Variants in HDAC2 observed in about 807,000 individuals in gnomAD.
The protein encoded by HDAC2 is histone deacetylase 2, also known as YY1-associated factor 1.
A neutral mutation model predicts 68.5 loss-of-function variants in HDAC2; 5 were observed. The observed-to-expected ratio is 0.07, with a 90% CI of 0.04 to 0.15. The LOEUF is 0.15. Among genes scored for constraint, HDAC2 ranks in the 10% least tolerant of loss-of-function variants. HDAC2 has a pLI of 1.00. For missense variants in HDAC2, 291 were observed against 600.8 expected (o/e 0.48, Z 5.39); for synonymous variants, 182 against 191.3 (o/e 0.95, Z 0.40).
At chr6:113,955,438 CCT>C (rs1268391496) in intron 5 of HDAC2, among the ~76,000 whole-genome samples, 2 of 152,106 alleles carry the variant, frequency 1.3e-5, no homozygotes, top group African/African-American at 4.8e-5. Flanking sequence ...GTCTCAAACC[CCT>C]GACCTCATAA....
At position 113,937,642 on chromosome 6, in the gene HDAC2, G is replaced by C. The variant is rs1460531465; in HGVS notation, c.*3416C>G. ...TCAGGAGAATCGCTTGAGCCTAGGA[G>C]TTTGTGACCAGCCTGGGCAACACAG... On this transcript the variant is annotated 3_prime_UTR_variant, in exon 14 of 14. Coordinates refer to ENST00000519065, the MANE Select transcript of HDAC2 (RefSeq NM_001527.4). 4.6e-5 allele frequency: 7 copies of C among 152,358 alleles called. No individual in the cohort carries two copies. Among genetic ancestry groups the C allele is most frequent in the Admixed American group, 4.6e-4 (7 of 15,270 alleles). The allele number at this position is 152,358 out of a possible 1,614,324, so 9.4% of individuals were successfully genotyped here. A position where few individuals can be genotyped will look rare whatever the true frequency, so the allele number is the denominator to read the frequency against.
rs997846447 is a variant in HDAC2, at chr6:113,940,897, T to C, written c.*161A>G. 1 of 511,562 alleles carries C rather than the reference T, an allele frequency of 2.0e-6. No individual in the cohort carries two copies. Among genetic ancestry groups the C allele is most frequent in the South Asian group, 3.5e-5 (1 of 28,176 alleles). 31.7% of individuals were successfully genotyped at this position (511,562 alleles called of 1,614,324 possible). Reference sequence around the variant, plus strand: ...GCTTCATAATTAGAAAAACTCACAATAAAACTTGCCAAGAAAAACAAAAAC... The same window carrying C: ...GCTTCATAATTAGAAAAACTCACAACAAAACTTGCCAAGAAAAACAAAAAC... On this transcript the variant is annotated 3_prime_UTR_variant, in exon 14 of 14. Coordinates refer to ENST00000519065, the MANE Select transcript of HDAC2 (RefSeq NM_001527.4).
In HDAC2 at chr6:113,934,236, A is replaced by C. The variant is rs893824801; in HGVS notation, c.*6822T>G. The C allele has an allele frequency of 1.3e-5, 2 of 152,208 alleles. No homozygotes were observed. The highest frequency in any genetic ancestry group is 1.3e-4 in the Admixed American group (2 of 15,280). The allele number at this position is 152,208 out of a possible 1,614,324, so 9.4% of individuals were successfully genotyped here. ...TGAATGCCAACTATCTGGGTTAATG[A>C]CTATCTGGGTTGATACGCATCTCAA... On this transcript the variant is annotated 3_prime_UTR_variant, in exon 14 of 14. Transcript: ENST00000519065.
chr6:113,948,705 T>C (rs1776324316), intron 8 of HDAC2: 1 of 345,972 alleles, frequency 2.9e-6, no homozygotes, highest in Admixed American at 4.3e-5. Flanking sequence ...CATGTTTTAT[T>C]TACACTGAGT....
chr6:113,968,404 T>C (rs1776878214), intron 1 of HDAC2: 1 of 152,342 alleles, frequency 6.6e-6, no homozygotes, highest in South Asian at 2.1e-4. Context: ...AGAATTAGTA[T>C]TGCTACTTTT....
chr6:113,951,277 C>T (rs751210630), intron 6 of HDAC2, among the ~76,000 whole-genome samples: 1 of 152,112 alleles, frequency 6.6e-6, no homozygotes, highest in Non-Finnish European at 1.5e-5. Context: ...TTCTTTTCAG[C>T]ATGAGAATGA....
chr6:113,948,012 A>C (rs1178889680), intron 8 of HDAC2: 2 of 152,202 alleles, frequency 1.3e-5, no homozygotes, highest in Non-Finnish European at 2.9e-5. Context: ...CATGATAAAA[A>C]TCATTTCTAA....
chr6:113,961,011 A>T (rs1236423833), intron 1 of HDAC2, among the ~76,000 whole-genome samples: 2 of 152,060 alleles, frequency 1.3e-5, no homozygotes, highest in Non-Finnish European at 2.9e-5. Context: ...GTGTAAGGGG[A>T]GATATACATA....
At position 113,959,596 on chromosome 6, in the gene HDAC2, TAAAAAAAAA is replaced by T. The variant is rs771822379; in HGVS notation, c.165+301_165+309del. ...AGCACAGGCAGATTAACAATTATTGTAAAAAAAAAAAAAAAAAAAAAAATACTTAATATG... is the reference window on the plus strand; with the variant it reads ...AGCACAGGCAGATTAACAATTATTGTAAAAAAAAAAAAAATACTTAATATG... On this transcript the variant is annotated intron_variant, in intron 2 of 13. Transcript: ENST00000519065. The T allele has an allele frequency of 6.4e-3, 780 of 122,260 alleles. 6 individuals carry two copies. Among genetic ancestry groups the T allele is most frequent in the Non-Finnish European group, 9.5e-3 (554 of 58,538 alleles). The allele number at this position is 122,260 out of a possible 1,614,324, so 7.6% of individuals were successfully genotyped here.
chr6:113,956,530 T>G (rs558234476), intron 4 of HDAC2, 89 bp downstream of exon 4: 1 of 858,036 alleles, frequency 1.2e-6, no homozygotes, highest in South Asian at 1.5e-5. Context: ...AAATTCACAA[T>G]CATTAAAACT....
chr6:113,957,676 CA>C (rs1468698284), intron 3 of HDAC2, among the ~76,000 whole-genome samples: 14 of 151,936 alleles, frequency 9.2e-5, no homozygotes, highest in African/African-American at 3.4e-4. Flanking sequence ...TTAATAGAGA[CA>C]GGGTTTTGCC....
rs1389267593 is a variant in HDAC2, at chr6:113,943,443, T to C, written c.1286A>G (p.Glu429Gly). Residue 429 changes from glutamate to glycine, a missense_variant, in exon 12 of 14, where the codon GAA becomes GGA. By Grantham distance (98) the Glu-to-Gly change is moderately conservative. Transcript: ENST00000519065. ...ATCAGCCACATTTCTTCGACCTCCT[T>C]CTCCTTCATCCTCAGAATCTGAGAA... is the stretch of plus-strand genomic sequence containing the variant. The part of the protein sequence containing the change: ...EEFSDSEDEG[E>G]GGRRNVADHK... The C allele has an allele frequency of 6.2e-7, 1 of 1,610,182 alleles. No individual in the cohort carries two copies. Among genetic ancestry groups the C allele is most frequent in the African/African-American group, 1.3e-5 (1 of 74,858 alleles).
intron 10 of HDAC2, 95 bp from the exon 11 acceptor site, chr6:113,944,505 G>T (rs1007481346): frequency 4.7e-6 from 5 of 1,063,684 alleles, no homozygotes; most frequent in Non-Finnish European, 5.6e-6. Context: ...TTCATCTTTG[G>T]TCTAGCTAAA....
chr6:113,951,662 T>C (rs1159581558), intron 6 of HDAC2, among the ~76,000 whole-genome samples: 2 of 151,872 alleles, frequency 1.3e-5, no homozygotes, highest in African/African-American at 4.8e-5. Flanking sequence ...GGAGACGGGG[T>C]GTCACTGTGT....
chr6:113,934,454 T>C lies in HDAC2; in HGVS notation c.*6604A>G, dbSNP rs368680387. ...ACCCATATATGTGATTTCCAGTGCA[T>C]TGTTCTTTACTTGTTGCTGCTCTAG... On this transcript the variant is annotated 3_prime_UTR_variant, in exon 14 of 14. Coordinates refer to ENST00000519065, the MANE Select transcript of HDAC2 (RefSeq NM_001527.4). 2 of 152,252 alleles carry C rather than the reference T, an allele frequency of 1.3e-5. No homozygotes were observed. Among genetic ancestry groups the C allele is most frequent in the African/African-American group, 4.8e-5 (2 of 41,458 alleles). The allele number at this position is 152,252 out of a possible 1,614,324, so 9.4% of individuals were successfully genotyped here.
intron 5 of HDAC2, among the ~76,000 whole-genome samples, chr6:113,954,745 C>G (rs1776506463): frequency 1.3e-5 from 2 of 152,288 alleles, no homozygotes; most frequent in East Asian, 1.9e-4. Flanking sequence ...ACTGAAAAGT[C>G]AGCCTCTATG....
Position 113,960,042 on chromosome 6 carries a change from A to G in HDAC2, c.53-24T>C, listed in dbSNP as rs1582493593. 14 of 1,107,294 alleles carry G rather than the reference A, an allele frequency of 1.3e-5. No individual in the cohort carries two copies. In the East Asian group the frequency reaches 3.3e-4, roughly 26 times the overall value. 68.6% of individuals were successfully genotyped at this position (1,107,294 alleles called of 1,614,324 possible). On this transcript the variant is annotated intron_variant, in intron 1 of 13. Coordinates refer to ENST00000519065, the MANE Select transcript of HDAC2 (RefSeq NM_001527.4). Reference sequence around the variant, plus strand: ...ACCTAAAATAGAAAAGACACAAACTAAACAATACAGACAAGAGACCCTCCA... The same window carrying G: ...ACCTAAAATAGAAAAGACACAAACTGAACAATACAGACAAGAGACCCTCCA...
At chr6:113,948,943 T>C in intron 8 of HDAC2, 36 bp downstream of exon 8, 6 of 1,600,192 alleles carry the variant, frequency 3.7e-6, no homozygotes, top group Non-Finnish European at 4.3e-6. Context: ...AGAAAAACCA[T>C]TTTTTTCTGG....
chr6:113,961,306 G>C (rs1420984428), intron 1 of HDAC2, among the ~76,000 whole-genome samples: 1 of 152,042 alleles, frequency 6.6e-6, no homozygotes, highest in African/African-American at 2.4e-5. Context: ...CTACATATTT[G>C]ATAACAGTAC....
Sources: gnomAD v4.1 joint callset for allele counts (sites outside exome capture counted in the v4.1 genomes callset) on GRCh38, gnomAD v4.1.1 for gene constraint, MANE v1.5 for transcripts, NCBI Gene and HGNC (gene_info 2026-07-23, HGNC 2026-07-21) for gene names.